Variants in FRMD6 observed in about 807,000 individuals in gnomAD.
FRMD6 encodes the protein FERM domain-containing protein 6.
In FRMD6, 37 loss-of-function variants were observed where a neutral mutation model predicts 73.2. The observed-to-expected ratio is 0.51, with a 90% CI of 0.39 to 0.66. The LOEUF is 0.66. Ranked by LOEUF, FRMD6 falls within the 30% of genes least tolerant of loss-of-function variation. The pLI is 0.00. For missense variants in FRMD6, 714 were observed against 780.5 expected (o/e 0.91, Z 1.02); for synonymous variants, 273 against 282.2 (o/e 0.97, Z 0.33).
the FRMD6 span, among the ~76,000 whole-genome samples, chr14:51,472,141 G>A: frequency 6.6e-5 from 10 of 152,144 alleles, no homozygotes; most frequent in South Asian, 6.2e-4. Context: ...CCTAAGTGAA[G>A]GACACAGTTT....
intron 1 of FRMD6, among the ~76,000 whole-genome samples, chr14:51,510,549 A>G (rs184104994): frequency 2.6e-5 from 4 of 152,290 alleles, no homozygotes; most frequent in Admixed American, 2.6e-4. Flanking sequence ...TCACTTATAG[A>G]TGTTTCTCAG....
At chr14:51,475,280 G>A in the FRMD6 span, among the ~76,000 whole-genome samples, 23,179 of 152,194 alleles carry the variant, frequency 0.15, 1,877 homozygotes, top group Non-Finnish European at 0.18. Flanking sequence ...GAGGATATAT[G>A]TGGGTCACCT....
Position 51,556,816 on chromosome 14 carries a change from T to C in FRMD6, c.-209-13532T>C, listed in dbSNP as rs992396170. ...TGCCCCTGTCTCCTTCTCTACCCCT[T>C]CCACCATAATCCATAGCTTCAACCA... On this transcript the variant is annotated intron_variant, in intron 1 of 14. Transcript: ENST00000356218. 1.6e-4 allele frequency among the ~76,000 whole-genome samples: 24 copies of C among 145,602 alleles called. No individual in the cohort carries two copies. In the Admixed American group the frequency reaches 1.7e-3, roughly 10 times the overall value.
At chr14:51,701,612 A>G (rs1433506828) in intron 4 of FRMD6, among the ~76,000 whole-genome samples, 1 of 148,054 alleles carries the variant, frequency 6.8e-6, no homozygotes, top group African/African-American at 2.4e-5. Flanking sequence ...CTTAGTATAT[A>G]TAAAAAATGG....
chr14:51,651,752 A>C (rs1892403624), upstream of FRMD6: 1 of 138,372 alleles, frequency 7.2e-6, no homozygotes, highest in Non-Finnish European at 1.6e-5. Context: ...CTCAGCGCGC[A>C]GCTCCCGCGG....
intron 1 of FRMD6, among the ~76,000 whole-genome samples, chr14:51,653,857 C>T (rs888903610): frequency 5.9e-5 from 9 of 152,130 alleles, no homozygotes; most frequent in Admixed American, 2.0e-4. Context: ...TTAAAATGGA[C>T]ATTTAGTAGG....
chr14:51,482,340 C>T, the FRMD6 span, among the ~76,000 whole-genome samples: 1 of 152,204 alleles, frequency 6.6e-6, no homozygotes, highest in Non-Finnish European at 1.5e-5. Flanking sequence ...ACTGCAGAAC[C>T]CCACACCCAC....
Position 51,549,925 on chromosome 14 carries a change from C to T in FRMD6, c.-209-20423C>T, listed in dbSNP as rs367848384. Among the ~76,000 whole-genome samples, 20 of 152,324 alleles carry T rather than the reference C, an allele frequency of 1.3e-4. No homozygotes were observed. In the East Asian group the frequency reaches 3.3e-3, roughly 25 times the overall value. ...GAGTATAAACCTTTTAAAGGCAGGA[C>T]TCTGCCTGCAACATTGACTCCCCTG... On this transcript the variant is annotated intron_variant, in intron 1 of 14. Coordinates refer to the FRMD6 transcript ENST00000356218.
At chr14:51,475,044 C>T in the FRMD6 span, among the ~76,000 whole-genome samples, 1 of 152,064 alleles carries the variant, frequency 6.6e-6, no homozygotes, top group Admixed American at 6.6e-5. Context: ...TATGATAATC[C>T]CCACTTCCAA....
intron 2 of FRMD6, among the ~76,000 whole-genome samples, chr14:51,623,278 G>C (rs1325118817): frequency 6.6e-6 from 1 of 152,180 alleles, no homozygotes; most frequent in Non-Finnish European, 1.5e-5. Flanking sequence ...AATGAAATGA[G>C]ATTATCGCAT....
chr14:51,567,518 T>A (rs932335246), intron 1 of FRMD6, among the ~76,000 whole-genome samples: 2 of 152,154 alleles, frequency 1.3e-5, no homozygotes, highest in African/African-American at 4.8e-5. Flanking sequence ...GGCTAATCGT[T>A]TTGTAGAGAC....
intron 2 of FRMD6, among the ~76,000 whole-genome samples, chr14:51,598,464 C>T (rs1950928): frequency 0.95 from 144,020 of 152,288 alleles, 68,158 homozygotes; most frequent in South Asian, 0.98. Context: ...GTTAAGTAGG[C>T]ATATTGTGTG....
intron 2 of FRMD6, among the ~76,000 whole-genome samples, chr14:51,691,888 C>T (rs1169056540): frequency 6.6e-6 from 1 of 151,954 alleles, no homozygotes; most frequent in Non-Finnish European, 1.5e-5. Flanking sequence ...AGCCATTGTG[C>T]CTGGCTATGT....
At chr14:51,427,061 G>T in the FRMD6 span, among the ~76,000 whole-genome samples, 1 of 152,138 alleles carries the variant, frequency 6.6e-6, no homozygotes, top group Admixed American at 6.6e-5. Flanking sequence ...AAGTCCTATT[G>T]AAATGGTAAA....
Position 51,720,354 on chromosome 14 carries a change from G to A in FRMD6, c.1324G>A (p.Gly442Ser), listed in dbSNP as rs764785357. The A allele has an allele frequency of 1.2e-5, 19 of 1,613,562 alleles. No individual in the cohort carries two copies. In the East Asian group the frequency reaches 1.3e-4, roughly 11 times the overall value. The change falls in exon 11 of 14, where the codon GGC becomes AGC. Residue 442 changes from glycine (G) to serine (S), a missense_variant. By Grantham distance (56) the Gly-to-Ser change is moderately conservative. Transcript: ENST00000344768. ...SSHTSGVESG[G>S]KDRLEEDLQD... ...CCACACCTCAGGGGTGGAGAGTGGCGGCAAAGACCGGCTGGAAGAGGACTT... is the reference window on the plus strand; with the variant it reads ...CCACACCTCAGGGGTGGAGAGTGGCAGCAAAGACCGGCTGGAAGAGGACTT...
chr14:51,676,345 C>T (rs1205442508), intron 1 of FRMD6, among the ~76,000 whole-genome samples: 1 of 152,144 alleles, frequency 6.6e-6, no homozygotes, highest in East Asian at 1.9e-4. Context: ...TTATACCTGT[C>T]ACTAAATTAT....
At chr14:51,722,499 G>T (rs1004689862) in intron 12 of FRMD6, among the ~76,000 whole-genome samples, 4 of 152,160 alleles carry the variant, frequency 2.6e-5, no homozygotes, top group Middle Eastern at 3.4e-3. Context: ...GGTTTTTGGG[G>T]TTTTTTTGTT....
the FRMD6 span, among the ~76,000 whole-genome samples, chr14:51,478,649 T>C: frequency 6.6e-6 from 1 of 152,162 alleles, no homozygotes; most frequent in Non-Finnish European, 1.5e-5. Context: ...CTGGAAAGTA[T>C]GCCTATGAAG....
At chr14:51,635,163 A>T (rs1891502569) in intron 2 of FRMD6, among the ~76,000 whole-genome samples, 1 of 152,186 alleles carries the variant, frequency 6.6e-6, no homozygotes, top group Admixed American at 6.5e-5. Flanking sequence ...TACAGAGGTC[A>T]GTTGAGGCCA....
Sources: gnomAD v4.1 joint callset for allele counts (sites outside exome capture counted in the v4.1 genomes callset) on GRCh38, gnomAD v4.1.1 for gene constraint, MANE v1.5 for transcripts, NCBI Gene and HGNC (gene_info 2026-07-23, HGNC 2026-07-21) for gene names.